The following MAF variants were observed in gnomAD, a reference collection of about 807,000 sequenced individuals.
The protein encoded by MAF is transcription factor Maf.
In MAF, 10 loss-of-function variants were observed where a neutral mutation model predicts 22.0. The observed-to-expected ratio is 0.45, with a 90% confidence interval of 0.28 to 0.77. The LOEUF (loss-of-function observed/expected upper bound fraction) is 0.77. MAF is among the 30% of genes least tolerant of loss of function. MAF has a pLI of 0.12. For synonymous variants in MAF, 337 were observed against 255.8 expected, an observed-to-expected ratio of 1.32 and a Z score of -3.03; for missense variants, 544 against 548.4, an observed-to-expected ratio of 0.99 and a Z score of 0.08.
chr16:79,245,973 C>T, the MAF span, among the ~76,000 whole-genome samples: 37 of 152,074 alleles, frequency 2.4e-4, no homozygotes, highest in East Asian at 5.2e-3. Flanking sequence ...AACCAGACAC[C>T]GCATGTTCTG....
At chr16:79,474,639 T>G in the MAF span, among the ~76,000 whole-genome samples, 1 of 152,220 alleles carries the variant, frequency 6.6e-6, no homozygotes, top group South Asian at 2.1e-4. Flanking sequence ...TCTGTCTGTC[T>G]GATACCTCAT....
the MAF span, among the ~76,000 whole-genome samples, chr16:79,512,281 A>G: frequency 3.9e-5 from 6 of 152,064 alleles, no homozygotes; most frequent in African/African-American, 1.4e-4. Flanking sequence ...GCCCCTTTCA[A>G]TTTCTCAGTC....
the MAF span, chr16:79,213,004 G>A: frequency 6.8e-6 from 1 of 147,056 alleles, no homozygotes; most frequent in African/African-American, 2.5e-5. Flanking sequence ...TCAATGGTCT[G>A]CTCCCCTGCA....
At chr16:79,237,300 G>A in the MAF span, among the ~76,000 whole-genome samples, 4 of 152,202 alleles carry the variant, frequency 2.6e-5, no homozygotes, top group East Asian at 1.9e-4. Context: ...CCATTAACAC[G>A]CAGGCTCTAT....
the MAF span, among the ~76,000 whole-genome samples, chr16:79,375,051 C>A: frequency 6.6e-6 from 1 of 151,970 alleles, no homozygotes; most frequent in African/African-American, 2.4e-5. Context: ...TAACATGGGG[C>A]TGAGATGGAG....
In MAF at chr16:79,599,617, C is replaced by G. The variant is rs752097590; in HGVS notation, c.286G>C (p.Gly96Arg). ...TCGGGGTTCAGCTGCTGCGGGTAGC[C>G]GGTCATCCAGTAGTAGTCTTCCAGG... is the stretch of plus-strand genomic sequence containing the variant. Reference protein sequence around the residue: ...AHLEDYYWMTGYPQQLNPEAL... With the variant: ...AHLEDYYWMTRYPQQLNPEAL... The change falls in exon 1 of 2, where the codon GGC (glycine) becomes CGC (arginine). Residue 96 changes from glycine (G) to arginine (R), a missense_variant. Physicochemically the swap from Gly to Arg is moderately radical, Grantham distance 125 (BLOSUM62 -2). Transcript: ENST00000326043. 1.9e-6 allele frequency: 3 copies of G among 1,610,970 alleles called. No individual in the cohort carries two copies. The highest frequency in any genetic ancestry group is 1.1e-5 in the South Asian group (1 of 90,674).
chr16:79,205,243 T>A, the MAF span: 1 of 152,226 alleles, frequency 6.6e-6, no homozygotes, highest in Non-Finnish European at 1.5e-5. Flanking sequence ...TTTATGGTGA[T>A]GGACTGGCAC....
chr16:79,275,696 G>C, the MAF span, among the ~76,000 whole-genome samples: 2 of 152,108 alleles, frequency 1.3e-5, no homozygotes, highest in Non-Finnish European at 2.9e-5. Flanking sequence ...GGAAAATATG[G>C]TCAATGAACA....
the MAF span, among the ~76,000 whole-genome samples, chr16:79,383,395 T>A: frequency 6.6e-6 from 1 of 152,166 alleles, no homozygotes; most frequent in African/African-American, 2.4e-5. Flanking sequence ...ACCAGATTTT[T>A]AAATGTCTTG....
the MAF span, among the ~76,000 whole-genome samples, chr16:79,366,844 A>G: frequency 0.017 from 2,664 of 152,320 alleles, 29 homozygotes; most frequent in Non-Finnish European, 0.023. Flanking sequence ...TTGTTGCAGC[A>G]TAGCCTGGCT....
chr16:79,528,113 G>A, the MAF span, among the ~76,000 whole-genome samples: 1 of 152,314 alleles, frequency 6.6e-6, no homozygotes. Flanking sequence ...TTGCATGCCA[G>A]CCTGGGCAAC....
At chr16:79,310,932 G>C in the MAF span, among the ~76,000 whole-genome samples, 2 of 152,214 alleles carry the variant, frequency 1.3e-5, no homozygotes. Context: ...GAGCGTGAGG[G>C]CTGTGCTGCT....
At chr16:79,397,677 A>C in the MAF span, among the ~76,000 whole-genome samples, 2 of 152,082 alleles carry the variant, frequency 1.3e-5, 1 homozygote, top group Admixed American at 1.3e-4. Flanking sequence ...CCCTTCCTGG[A>C]CCCTGTGTTA....
chr16:79,520,636 G>A, the MAF span, among the ~76,000 whole-genome samples: 2 of 152,200 alleles, frequency 1.3e-5, no homozygotes, highest in Non-Finnish European at 2.9e-5. Flanking sequence ...TGTTCTGGCA[G>A]TGCTAGAGAG....
At chr16:79,538,879 G>C in the MAF span, among the ~76,000 whole-genome samples, 2 of 44,376 alleles carry the variant, frequency 4.5e-5, no homozygotes, top group Non-Finnish European at 1.7e-4. Context: ...AGAAAAGAAA[G>C]AAAGAAAGAA....
At chr16:79,418,869 C>T in the MAF span, among the ~76,000 whole-genome samples, 6 of 152,234 alleles carry the variant, frequency 3.9e-5, no homozygotes, top group East Asian at 1.2e-3. Context: ...AACACAGGGC[C>T]CCACACAAAC....
the MAF span, among the ~76,000 whole-genome samples, chr16:79,426,232 T>C: frequency 6.6e-6 from 1 of 151,890 alleles, no homozygotes; most frequent in Non-Finnish European, 1.5e-5. Context: ...ATTAACATCT[T>C]CACTGAGGTG....
At chr16:79,340,151 G>A in the MAF span, among the ~76,000 whole-genome samples, 1 of 151,940 alleles carries the variant, frequency 6.6e-6, no homozygotes, top group Non-Finnish European at 1.5e-5. Context: ...GGTCAGGGAC[G>A]GAGGAGGAGG....
the MAF span, among the ~76,000 whole-genome samples, chr16:79,528,580 A>G: frequency 0.7 from 106,868 of 151,658 alleles, 41,063 homozygotes; most frequent in Non-Finnish European, 0.86. Flanking sequence ...TGAATGTCAC[A>G]ACCATATCTC....
Sources: gnomAD v4.1 joint callset for allele counts (sites outside exome capture counted in the v4.1 genomes callset) on GRCh38, gnomAD v4.1.1 for gene constraint, MANE v1.5 for transcripts, NCBI Gene and HGNC (gene_info 2026-07-23, HGNC 2026-07-21) for gene names.